Variants in ZSCAN5A observed in about 807,000 individuals in gnomAD.
ZSCAN5A encodes the protein zinc finger and SCAN domain containing 5A.
Under a neutral mutation model 23.7 loss-of-function variants are expected in ZSCAN5A, and 12 were observed. The ratio of observed to expected loss-of-function variants is 0.51; its 90% CI spans 0.32 to 0.82. The LOEUF (loss-of-function observed/expected upper bound fraction) is 0.82, where lower values mean the gene tolerates loss of function less well. Among genes scored for constraint, ZSCAN5A ranks in the 40% least tolerant of loss-of-function variants. The probability of loss-of-function intolerance (pLI) is 0.03; values close to 1 mark genes in which losing one functional copy is unlikely to be tolerated. For missense variants in ZSCAN5A, 597 were observed against 617.9 expected (o/e 0.97, Z 0.36); for synonymous variants, 257 against 239.9 (o/e 1.07, Z -0.66).
At position 56,352,157 on chromosome 19, in the gene ZSCAN5A, A is replaced by G. The variant is rs923819204; in HGVS notation, c.-358+11078T>C. On this transcript the variant is annotated intron_variant, in intron 2 of 6. Coordinates refer to the ZSCAN5A transcript ENST00000587340. This position sits in a 1 kb window ranked among gnomAD's most constrained non-coding sequence, Gnocchi z 4.2. The stretch of plus-strand genomic sequence containing the variant: ...CGCTCTGTCACCCAGGCTGGAGTGC[A>G]GTGGCACGATCTCAGCTCACTGCAA... Among the ~76,000 whole-genome samples the G allele has an allele frequency of 3.9e-5, 6 of 152,108 alleles. No individual in the cohort carries two copies. The highest frequency in any genetic ancestry group is 8.8e-5 in the Non-Finnish European group (6 of 68,020).
intron 2 of ZSCAN5A, among the ~76,000 whole-genome samples, chr19:56,289,900 C>T (rs2039400470): frequency 6.6e-6 from 1 of 152,204 alleles, no homozygotes; most frequent in Non-Finnish European, 1.5e-5. Context: ...AGGCAGGAGC[C>T]ACCACTTCTG....
chr19:56,307,622 G>A (rs898712752), intron 2 of ZSCAN5A, among the ~76,000 whole-genome samples: 1 of 152,034 alleles, frequency 6.6e-6, no homozygotes, highest in African/African-American at 2.4e-5. Flanking sequence ...TTCATACGGA[G>A]AAAAATCTGA....
At chr19:56,284,052 C>G (rs2038917988) in intron 2 of ZSCAN5A, 1 of 351,670 alleles carries the variant, frequency 2.8e-6, no homozygotes, top group African/African-American at 2.2e-5. Flanking sequence ...ATTCTACTTC[C>G]CAATCTGTTC....
chr19:56,366,439 A>AG (rs1440318307), intron 1 of ZSCAN5A, among the ~76,000 whole-genome samples: 3 of 151,744 alleles, frequency 2.0e-5, no homozygotes, highest in South Asian at 2.1e-4. Flanking sequence ...AAAAAAAAAA[A>AG]AAAAGAAACC....
upstream of ZSCAN5A, chr19:56,315,947 C>T (rs2041303361): frequency 6.6e-6 from 1 of 152,244 alleles, no homozygotes; most frequent in Non-Finnish European, 1.5e-5. Context: ...GTTACCGCCC[C>T]ACCTTCCTCC....
intron 1 of ZSCAN5A, chr19:56,368,094 G>A (rs535430571): frequency 6.6e-6 from 1 of 152,472 alleles, no homozygotes; most frequent in Admixed American, 6.5e-5. Flanking sequence ...ACCGCCAACG[G>A]GCACAAAGCC....
chr19:56,295,270 G>C (rs186702322), intron 2 of ZSCAN5A: 1 of 152,100 alleles, frequency 6.6e-6, no homozygotes, highest in African/African-American at 2.4e-5. Flanking sequence ...GGATGAGTAT[G>C]TAGGTGCCTA....
chr19:56,260,767 C>G (rs1288594884), intron 2 of ZSCAN5A, among the ~76,000 whole-genome samples: 1 of 152,114 alleles, frequency 6.6e-6, no homozygotes. Context: ...GGAGGTGGTA[C>G]TTTCTTGAGA....
chr19:56,256,566 T>C (rs2036707482), intron 2 of ZSCAN5A, among the ~76,000 whole-genome samples: 3 of 152,234 alleles, frequency 2.0e-5, no homozygotes, highest in Admixed American at 2.0e-4. Context: ...TATACATACA[T>C]GCATTATATA....
chr19:56,300,977 GAA>G (rs1472489727), intron 2 of ZSCAN5A, among the ~76,000 whole-genome samples: 2 of 152,292 alleles, frequency 1.3e-5, no homozygotes, highest in East Asian at 1.9e-4. Context: ...AGATGGATGA[GAA>G]AGAGAAAGGA....
At chr19:56,256,970 G>A (rs1052034397) in intron 2 of ZSCAN5A, among the ~76,000 whole-genome samples, 46 of 152,198 alleles carry the variant, frequency 3.0e-4, no homozygotes, top group Admixed American at 2.8e-3. Flanking sequence ...GGAGCTGGTG[G>A]GAAGGGGAAA....
upstream of ZSCAN5A, chr19:56,316,030 C>G (rs1264274864): frequency 3.9e-5 from 6 of 152,218 alleles, no homozygotes; most frequent in Non-Finnish European, 8.8e-5. Context: ...TCTGAGCACA[C>G]ACGAGCAGTG....
chr19:56,320,051 T>TC, intron 2 of ZSCAN5A: 1 of 795,764 alleles, frequency 1.3e-6, no homozygotes, highest in South Asian at 1.3e-5. Context: ...CTGGTCTGCA[T>TC]CAGACTTACA....
intron 2 of ZSCAN5A, among the ~76,000 whole-genome samples, chr19:56,301,546 G>A (rs1004681428): frequency 1.5e-4 from 23 of 152,138 alleles, no homozygotes; most frequent in African/African-American, 5.3e-4. Context: ...GGGTCTTTGC[G>A]ACTTGTATCT....
chr19:56,273,666 A>C (rs1473467204), intron 2 of ZSCAN5A, among the ~76,000 whole-genome samples: 1 of 152,082 alleles, frequency 6.6e-6, no homozygotes, highest in Non-Finnish European at 1.5e-5. Context: ...CCTCCATCAG[A>C]GAGAGGCCGG....
rs565976478 is a variant in ZSCAN5A, at chr19:56,363,785, C to T, written c.-521-387G>A. Reference sequence around the variant, plus strand: ...AGAAATTTCTAAGCAGCAAAGTGTTCAAGATGTGGCATGGCTGTGTCTAAC... The same window carrying T: ...AGAAATTTCTAAGCAGCAAAGTGTTTAAGATGTGGCATGGCTGTGTCTAAC... On this transcript the variant is annotated intron_variant, in intron 1 of 6. Coordinates refer to the ZSCAN5A transcript ENST00000587340. Among the ~76,000 whole-genome samples the T allele has an allele frequency of 1.4e-4, 21 of 152,276 alleles. No individual in the cohort carries two copies. In the South Asian group the frequency reaches 4.1e-3, roughly 30 times the overall value.
chr19:56,273,777 A>C (rs1382140097), intron 2 of ZSCAN5A, among the ~76,000 whole-genome samples: 1 of 152,164 alleles, frequency 6.6e-6, no homozygotes, highest in Non-Finnish European at 1.5e-5. Context: ...GGGGCATGTG[A>C]GTCACAGGAA....
intron 2 of ZSCAN5A, chr19:56,302,155 G>C: frequency 2.5e-6 from 3 of 1,187,598 alleles, no homozygotes; most frequent in Non-Finnish European, 3.2e-6. Context: ...GAGGAGGGAA[G>C]TGGGGGCACA....
chr19:56,300,853 A>G (rs1292668884), intron 2 of ZSCAN5A, among the ~76,000 whole-genome samples: 2 of 152,232 alleles, frequency 1.3e-5, no homozygotes, highest in Non-Finnish European at 2.9e-5. Context: ...TAAAAAGACA[A>G]GGGAAAAATG....
Sources: allele counts gnomAD v4.1 joint callset (sites outside exome capture counted in the v4.1 genomes callset), GRCh38; gene constraint gnomAD v4.1.1; non-coding constraint Gnocchi (gnomAD v3.1); transcripts MANE v1.5; gene names NCBI Gene and HGNC (gene_info 2026-07-23, HGNC 2026-07-21).